Variants in HYCC2 observed in about 807,000 individuals in gnomAD.
The protein encoded by HYCC2 is hyccin PI4KA lipid kinase complex subunit 2.
chr2:201,023,628 A>T, the HYCC2 span: 1 of 175,140 alleles, frequency 5.7e-6, no homozygotes. Context: ...ATTATAGGAC[A>T]GAAAAACGTA....
chr2:200,993,944 T>G, the HYCC2 span, among the ~76,000 whole-genome samples: 1 of 152,004 alleles, frequency 6.6e-6, no homozygotes, highest in African/African-American at 2.4e-5. Context: ...CACTCCAGCC[T>G]GGGTGACAGA....
chr2:201,022,160 AT>A, the HYCC2 span: 3 of 1,129,690 alleles, frequency 2.7e-6, no homozygotes, highest in Non-Finnish European at 2.4e-6. Flanking sequence ...TTTCATTTTC[AT>A]TTTAAGCATA....
the HYCC2 span, chr2:200,974,285 TATTTA>T: frequency 3.9e-5 from 6 of 151,974 alleles, no homozygotes; most frequent in Non-Finnish European, 5.9e-5. Context: ...AGATAGTTCT[TATTTA>T]ATATCATTGT....
chr2:201,015,854 G>A, the HYCC2 span, among the ~76,000 whole-genome samples: 2 of 151,988 alleles, frequency 1.3e-5, no homozygotes, highest in Non-Finnish European at 2.9e-5. Context: ...AAACCTCACC[G>A]GCTCCTCATC....
chr2:201,067,714 T>C, the HYCC2 span, among the ~76,000 whole-genome samples: 1 of 152,234 alleles, frequency 6.6e-6, no homozygotes, highest in African/African-American at 2.4e-5. Flanking sequence ...CAAAGATTAA[T>C]GCATATATTC....
chr2:200,999,382 T>C, the HYCC2 span, among the ~76,000 whole-genome samples: 1 of 151,050 alleles, frequency 6.6e-6, no homozygotes, highest in Admixed American at 6.6e-5. Context: ...TTTTATTCCC[T>C]CTCCCCACTT....
the HYCC2 span, among the ~76,000 whole-genome samples, chr2:201,008,692 C>T: frequency 6.6e-6 from 1 of 152,012 alleles, no homozygotes; most frequent in South Asian, 2.1e-4. Context: ...GCCAGGAGTT[C>T]GAGACCAGCC....
the HYCC2 span, among the ~76,000 whole-genome samples, chr2:201,068,441 A>C: frequency 6.6e-6 from 1 of 152,162 alleles, no homozygotes; most frequent in Non-Finnish European, 1.5e-5. Context: ...TAGAGCCTTG[A>C]ATTAGACCAA....
the HYCC2 span, among the ~76,000 whole-genome samples, chr2:200,993,271 A>C: frequency 1.2e-4 from 19 of 152,222 alleles, no homozygotes; most frequent in African/African-American, 4.6e-4. Flanking sequence ...ATAGCTAATC[A>C]TCTCTTTCGC....
chr2:201,047,559 G>C, the HYCC2 span, among the ~76,000 whole-genome samples: 3,041 of 151,088 alleles, frequency 0.02, 255 homozygotes, highest in East Asian at 0.26. Flanking sequence ...TTCAAAAACT[G>C]ATGACAGAAA....
the HYCC2 span, among the ~76,000 whole-genome samples, chr2:201,051,957 C>A: frequency 6.6e-6 from 1 of 152,100 alleles, no homozygotes; most frequent in Non-Finnish European, 1.5e-5. Flanking sequence ...TATTTCTCAA[C>A]AAGATGGAGT....
the HYCC2 span, among the ~76,000 whole-genome samples, chr2:201,060,639 C>A: frequency 6.6e-6 from 1 of 152,156 alleles, no homozygotes; most frequent in African/African-American, 2.4e-5. Context: ...AGATCTCCTA[C>A]GTCTGAATTT....
the HYCC2 span, among the ~76,000 whole-genome samples, chr2:201,001,135 C>G: frequency 3.3e-3 from 454 of 138,596 alleles, 3 homozygotes; most frequent in African/African-American, 0.012. Flanking sequence ...TAGACTCTGT[C>G]TCAAAAAAAA....
chr2:200,992,929 G>C, the HYCC2 span: 2 of 1,613,442 alleles, frequency 1.2e-6, no homozygotes, highest in Non-Finnish European at 1.7e-6. Context: ...CATAAATTCA[G>C]GATCCAATAC....
chr2:200,976,553 C>A, the HYCC2 span: 5 of 152,050 alleles, frequency 3.3e-5, no homozygotes, highest in African/African-American at 9.7e-5. Flanking sequence ...AAAAGTGGTG[C>A]AAACAAAACA....
the HYCC2 span, among the ~76,000 whole-genome samples, chr2:201,071,002 A>G: frequency 2.4e-3 from 369 of 152,310 alleles, 3 homozygotes; most frequent in African/African-American, 8.6e-3. Flanking sequence ...GAACCTGCCA[A>G]TGTAAATGGC....
At chr2:200,986,019 G>A in the HYCC2 span, among the ~76,000 whole-genome samples, 8 of 152,262 alleles carry the variant, frequency 5.3e-5, no homozygotes, top group African/African-American at 1.7e-4. Flanking sequence ...GGAATGTTCA[G>A]TTTAGGCCAA....
At chr2:201,055,464 C>T in the HYCC2 span, among the ~76,000 whole-genome samples, 2 of 151,230 alleles carry the variant, frequency 1.3e-5, no homozygotes, top group South Asian at 2.1e-4. Context: ...TTTGGGAGGC[C>T]GAGGAAGCCA....
the HYCC2 span, among the ~76,000 whole-genome samples, chr2:200,982,401 G>A: frequency 2.0e-5 from 3 of 151,944 alleles, no homozygotes; most frequent in Non-Finnish European, 4.4e-5. Flanking sequence ...TCAGTGGTTG[G>A]TTAACTGCTT....
Sources: allele counts gnomAD v4.1 joint callset (sites outside exome capture counted in the v4.1 genomes callset), GRCh38; gene constraint gnomAD v4.1.1; transcripts MANE v1.5; gene names NCBI Gene and HGNC (gene_info 2026-07-23, HGNC 2026-07-21).